Variants in CACNA1E observed in about 807,000 individuals in gnomAD.
The protein encoded by CACNA1E is calcium voltage-gated channel subunit alpha1 E.
CACNA1E carries 40 observed loss-of-function variants against 259.2 expected under a neutral mutation model. The ratio of observed to expected loss-of-function variants is 0.15; its 90% CI spans 0.12 to 0.20. The LOEUF (loss-of-function observed/expected upper bound fraction) is 0.20. Ranked by LOEUF, CACNA1E falls within the 10% of genes least tolerant of loss-of-function variation. CACNA1E has a pLI of 1.00. For synonymous variants in CACNA1E, 1,104 were observed against 1,138.5 expected, an observed-to-expected ratio of 0.97 and a Z score of 0.61; for missense variants, 1,874 against 3,040.1, an observed-to-expected ratio of 0.62 and a Z score of 9.02.
At chr1:181,538,219 A>G (rs1186202799) in intron 3 of CACNA1E, among the ~76,000 whole-genome samples, 2 of 152,212 alleles carry the variant, frequency 1.3e-5, no homozygotes, top group Non-Finnish European at 2.9e-5. Context: ...GCTTTCTCAT[A>G]TGATATGATT....
chr1:181,543,614 G>A lies in CACNA1E; in HGVS notation c.512+32104G>A, dbSNP rs145993734. Among the ~76,000 whole-genome samples the A allele has an allele frequency of 2.8e-4, 43 of 152,226 alleles. No individual in the cohort carries two copies. In the South Asian group the frequency reaches 3.7e-3, roughly 13 times the overall value. On this transcript the variant is annotated intron_variant, in intron 3 of 47. Coordinates refer to ENST00000367573, the MANE Select transcript of CACNA1E (RefSeq NM_001205293.3). The stretch of plus-strand genomic sequence containing the variant: ...TCTGCAGACTGAGAAGAGGGTCCTC[G>A]CCAGGAATCTAACTGGCCAGCACCT...
chr1:181,582,606 A>G (rs1280073983), intron 6 of CACNA1E, among the ~76,000 whole-genome samples: 1 of 152,232 alleles, frequency 6.6e-6, no homozygotes, highest in African/African-American at 2.4e-5. Flanking sequence ...CTGAGAGGAG[A>G]AGGAGCACAG....
chr1:181,430,897 G>A (rs1659667549), intron 2 of CACNA1E, among the ~76,000 whole-genome samples: 1 of 152,116 alleles, frequency 6.6e-6, no homozygotes, highest in Non-Finnish European at 1.5e-5. Flanking sequence ...TATTACATAA[G>A]TTACTTAGCC....
chr1:181,512,210 C>A (rs1468373809), intron 3 of CACNA1E, among the ~76,000 whole-genome samples: 2 of 152,220 alleles, frequency 1.3e-5, no homozygotes, highest in African/African-American at 4.8e-5. Context: ...GACCCAGTGC[C>A]CTTGGCAGCA....
intron 6 of CACNA1E, among the ~76,000 whole-genome samples, chr1:181,583,635 C>T (rs1446525037): frequency 6.6e-6 from 1 of 152,186 alleles, no homozygotes; most frequent in East Asian, 1.9e-4. Flanking sequence ...CTCCCTATGA[C>T]CTTGTGTTGC....
chr1:181,789,490 T>C (rs1328159543), intron 43 of CACNA1E, among the ~76,000 whole-genome samples: 1 of 152,066 alleles, frequency 6.6e-6, no homozygotes, highest in East Asian at 1.9e-4. Context: ...GTGTCCCATC[T>C]CTCCCTCCTA....
intron 7 of CACNA1E, among the ~76,000 whole-genome samples, chr1:181,661,381 G>A: frequency 6.6e-6 from 1 of 152,186 alleles, no homozygotes; most frequent in Middle Eastern, 3.2e-3. Flanking sequence ...GGACAGGACA[G>A]CTCCAGGAGG....
chr1:181,343,164 A>AC (rs1409969350), intron 1 of CACNA1E, among the ~76,000 whole-genome samples: 1 of 151,956 alleles, frequency 6.6e-6, no homozygotes, highest in Non-Finnish European at 1.5e-5. Context: ...CCATTCACTG[A>AC]CAAGGAGAAG....
chr1:181,798,913 G>T lies in CACNA1E; in HGVS notation c.*79G>T. 1 of 1,274,900 alleles carries T rather than the reference G, an allele frequency of 7.8e-7. No individual in the cohort carries two copies. The highest frequency in any genetic ancestry group is 1.0e-6 in the Non-Finnish European group (1 of 961,298). The allele number at this position is 1,274,900 out of a possible 1,614,324, so 79.0% of individuals were successfully genotyped here. ...CAGAATTGGGAAGCCAGTGCGGCCC[G>T]GGGGGGAGGAAGAGGGAAAAGGAAG... is the stretch of plus-strand genomic sequence containing the variant. On this transcript the variant is annotated 3_prime_UTR_variant, in exon 48 of 48. Transcript: ENST00000367573. This position sits in a 1 kb window ranked among gnomAD's most constrained non-coding sequence, Gnocchi z 4.2.
intron 2 of CACNA1E, among the ~76,000 whole-genome samples, chr1:181,472,987 G>A (rs1461728198): frequency 6.6e-6 from 1 of 152,138 alleles, no homozygotes; most frequent in African/African-American, 2.4e-5. Flanking sequence ...ATTTAAATTC[G>A]CTGAGTCCTT....
At chr1:181,538,038 T>C (rs990226310) in intron 3 of CACNA1E, among the ~76,000 whole-genome samples, 2 of 152,236 alleles carry the variant, frequency 1.3e-5, no homozygotes, top group Non-Finnish European at 2.9e-5. Flanking sequence ...GCAGAAGATC[T>C]TGTAGAAGTT....
Position 181,463,888 on chromosome 1 carries a change from AAAG to A in CACNA1E, c.435-19852_435-19850del, listed in dbSNP as rs549303492. Among the ~76,000 whole-genome samples the A allele has an allele frequency of 1.2e-3, 179 of 152,246 alleles. 2 individuals carry two copies. The highest frequency in any genetic ancestry group is 9.1e-3 in the South Asian group (44 of 4,826). On this transcript the variant is annotated intron_variant, in intron 2 of 11. Coordinates refer to the CACNA1E transcript ENST00000524607. ...AATTCCTTCCACATACTGAGATAAA[AAAG>A]AAGTCATTTATATTTTTTAAATAAC... is the stretch of plus-strand genomic sequence containing the variant.
chr1:181,577,967 T>C, intron 4 of CACNA1E, 98 bp downstream of exon 4: 1 of 725,890 alleles, frequency 1.4e-6, no homozygotes, highest in South Asian at 1.8e-5. Flanking sequence ...CAAACAATAT[T>C]CCTCCTGGGA....
intron 7 of CACNA1E, among the ~76,000 whole-genome samples, chr1:181,702,853 C>T (rs543312098): frequency 2.0e-4 from 30 of 152,326 alleles, no homozygotes; most frequent in African/African-American, 6.7e-4. Flanking sequence ...TACTTCTCTG[C>T]TTTATTTTTC....
At chr1:181,448,739 A>C (rs1380669890) in intron 2 of CACNA1E, among the ~76,000 whole-genome samples, 1 of 152,212 alleles carries the variant, frequency 6.6e-6, no homozygotes, top group Non-Finnish European at 1.5e-5. Context: ...TAAGTCAACT[A>C]AGTGGCTTAA....
In CACNA1E at chr1:181,772,207, C is replaced by G; in HGVS notation, c.5115C>G (p.Ser1705=). The change falls in exon 37 of 48, where the codon TCC becomes TCG. Residue 1705 remains serine (S), a synonymous_variant. Coordinates refer to ENST00000367573, the MANE Select transcript of CACNA1E (RefSeq NM_001205293.3). ...GTDLAYVYFV[S]FIFFCSFLML... is the part of the protein sequence containing the mutation. ...ATCTGGCCTACGTGTACTTTGTCTC[C>G]TTCATCTTCTTCTGCTCCTTCTTGG... is the stretch of plus-strand genomic sequence containing the variant. 1 of 1,613,760 alleles carries G rather than the reference C, an allele frequency of 6.2e-7. No homozygotes were observed.
chr1:181,801,802 G>A lies in CACNA1E; in HGVS notation c.*2968G>A, dbSNP rs1572932673. ...ACAAGATCAAATTTGGGCACTGGTGGTCCACCTCAGAAGACTCTTGAGTCA... is the reference window on the plus strand; with the variant it reads ...ACAAGATCAAATTTGGGCACTGGTGATCCACCTCAGAAGACTCTTGAGTCA... On this transcript the variant is annotated 3_prime_UTR_variant, in exon 48 of 48. Coordinates refer to ENST00000367573, the MANE Select transcript of CACNA1E (RefSeq NM_001205293.3). 1.3e-5 allele frequency: 2 copies of A among 152,160 alleles called. No homozygotes were observed. The highest frequency in any genetic ancestry group is 1.3e-4 in the Admixed American group (2 of 15,276). 9.4% of individuals were successfully genotyped at this position (152,160 alleles called of 1,614,324 possible).
chr1:181,358,000 C>G (rs370159561), intron 1 of CACNA1E, among the ~76,000 whole-genome samples: 1 of 152,062 alleles, frequency 6.6e-6, no homozygotes, highest in African/African-American at 2.4e-5. Context: ...GCTGGTGGAG[C>G]GTTCTGTCTG....
intron 1 of CACNA1E, among the ~76,000 whole-genome samples, chr1:181,377,181 T>C (rs575772425): frequency 9.9e-5 from 15 of 152,248 alleles, no homozygotes; most frequent in Admixed American, 3.9e-4. Context: ...TGAGAGGACA[T>C]AGAGATTAAA....
Sources: gnomAD v4.1 joint callset for allele counts (sites outside exome capture counted in the v4.1 genomes callset) on GRCh38, gnomAD v4.1.1 for gene constraint, Gnocchi (gnomAD v3.1) non-coding constraint, MANE v1.5 for transcripts, NCBI Gene and HGNC (gene_info 2026-07-23, HGNC 2026-07-21) for gene names.